RAP1GAP2: variants seen among roughly 807,000 people sequenced by gnomAD.
The protein encoded by RAP1GAP2 is RAP1 GTPase activating protein 2, also known as rap1 GTPase-activating protein 2.
A neutral mutation model predicts 95.0 loss-of-function variants in RAP1GAP2; 27 were observed. The observed-to-expected ratio is 0.28, with a 90% CI of 0.21 to 0.39. RAP1GAP2 has a LOEUF of 0.39. Ranked by LOEUF, RAP1GAP2 falls within the 10% of genes least tolerant of loss-of-function variation. The pLI, the probability that RAP1GAP2 is intolerant of heterozygous loss-of-function variation, is 1.00. For missense variants in RAP1GAP2, 771 were observed against 970.0 expected (o/e 0.79, Z 2.72); for synonymous variants, 373 against 380.9 (o/e 0.98, Z 0.24).
At chr17:2,877,136 G>T (rs191167960) in intron 2 of RAP1GAP2, among the ~76,000 whole-genome samples, 1 of 151,974 alleles carries the variant, frequency 6.6e-6, no homozygotes, top group South Asian at 2.1e-4. Context: ...TGATGCACCC[G>T]CCTCAGCCTC....
intron 3 of RAP1GAP2, among the ~76,000 whole-genome samples, chr17:2,909,077 A>G (rs1370386412): frequency 6.6e-6 from 1 of 152,130 alleles, no homozygotes; most frequent in Non-Finnish European, 1.5e-5. Flanking sequence ...GGAGGTAAAC[A>G]TCTGGGAGCC....
At position 3,034,490 on chromosome 17, in the gene RAP1GAP2, TG is replaced by T; in HGVS notation, c.*1135del. Reference sequence around the variant, plus strand: ...TCAGCAGCTTACGCCCCTGGAGTCTTGGGGGGCCCAGCCTGGCCCTGGGGCC... The same window carrying T: ...TCAGCAGCTTACGCCCCTGGAGTCTTGGGGGCCCAGCCTGGCCCTGGGGCC... On this transcript the variant is annotated 3_prime_UTR_variant, in exon 25 of 25. Coordinates refer to ENST00000254695, the MANE Select transcript of RAP1GAP2 (RefSeq NM_015085.5). This position sits in a 1 kb window ranked among gnomAD's most constrained non-coding sequence, Gnocchi z 5.1. 1 of 166,312 alleles carries T rather than the reference TG, an allele frequency of 6.0e-6. No homozygotes were observed. The highest frequency in any genetic ancestry group is 1.4e-5 in the Non-Finnish European group (1 of 74,024). The allele number at this position is 166,312 out of a possible 1,614,324, so 10.3% of individuals were successfully genotyped here.
At chr17:2,811,077 C>G (rs1018598222) in intron 2 of RAP1GAP2, among the ~76,000 whole-genome samples, 2 of 152,168 alleles carry the variant, frequency 1.3e-5, no homozygotes, top group African/African-American at 2.4e-5. Flanking sequence ...GTTCACCCCT[C>G]TTTCCACTAA....
chr17:2,993,877 A>T (rs1179568695), intron 12 of RAP1GAP2, among the ~76,000 whole-genome samples: 1 of 151,888 alleles, frequency 6.6e-6, no homozygotes, highest in East Asian at 1.9e-4. Flanking sequence ...ATTAACAAAA[A>T]TTTGAAAAAT....
chr17:2,978,353 C>T (rs745709537), intron 8 of RAP1GAP2, among the ~76,000 whole-genome samples: 2 of 152,044 alleles, frequency 1.3e-5, no homozygotes, highest in African/African-American at 2.4e-5. Flanking sequence ...TGAACACAGG[C>T]GGTGAGATAC....
chr17:3,007,034 G>A (rs1228240215), intron 16 of RAP1GAP2, among the ~76,000 whole-genome samples: 2 of 152,220 alleles, frequency 1.3e-5, no homozygotes, highest in South Asian at 2.1e-4. Flanking sequence ...TGAACCTTCT[G>A]CCAGGAGGAA....
rs1451506309 is a variant in RAP1GAP2, at chr17:3,027,505, G to A, written c.2107+435G>A. Among the ~76,000 whole-genome samples the A allele has an allele frequency of 6.6e-6, 1 of 152,128 alleles. No homozygotes were observed. Among genetic ancestry groups the A allele is most frequent in the Non-Finnish European group, 1.5e-5 (1 of 68,024 alleles). On this transcript the variant is annotated intron_variant, in intron 22 of 24. Coordinates refer to ENST00000254695, the MANE Select transcript of RAP1GAP2 (RefSeq NM_015085.5). The surrounding 1 kb of genome is among the most constrained non-coding windows in gnomAD (Gnocchi z 5.2). ...GCTGCAGGGGGAGGGAACAGCATGT[G>A]GAAAGGCCCAGAGGAGAGGAGAGAG...
chr17:2,806,408 T>TA (rs1567664643), intron 2 of RAP1GAP2, among the ~76,000 whole-genome samples: 1 of 149,490 alleles, frequency 6.7e-6, no homozygotes, highest in Admixed American at 6.7e-5. Flanking sequence ...TTATTATTAT[T>TA]TTGAGAGGGA....
intron 8 of RAP1GAP2, among the ~76,000 whole-genome samples, chr17:2,978,072 G>A (rs930177826): frequency 2.6e-5 from 4 of 152,108 alleles, no homozygotes; most frequent in Admixed American, 6.6e-5. Context: ...TTTATGCACT[G>A]TGGGCATAAC....
intron 1 of RAP1GAP2, among the ~76,000 whole-genome samples, chr17:2,760,656 T>A (rs1179055147): frequency 3.3e-5 from 5 of 151,620 alleles, no homozygotes; most frequent in African/African-American, 1.2e-4. Flanking sequence ...TCACTTTTTT[T>A]TTTACTTACG....
chr17:2,941,476 T>C (rs1054437285), intron 3 of RAP1GAP2, among the ~76,000 whole-genome samples: 4 of 151,750 alleles, frequency 2.6e-5, no homozygotes, highest in Admixed American at 6.6e-5. Flanking sequence ...GGCTGTTCTG[T>C]GGGGAACTGA....
chr17:2,860,056 CCTGCCATTGCAGG>C (rs1362288957), intron 2 of RAP1GAP2, among the ~76,000 whole-genome samples: 5 of 151,374 alleles, frequency 3.3e-5, no homozygotes, highest in African/African-American at 1.2e-4. Context: ...TTACCTGTGT[CCTGCCATTGCAGG>C]CAGCCCCATG....
At chr17:2,995,309 C>T in intron 12 of RAP1GAP2, 28 bp from the exon 13 acceptor site, 17 of 1,609,710 alleles carry the variant, frequency 1.1e-5, no homozygotes, top group Non-Finnish European at 1.4e-5. Flanking sequence ...CTCTTTTCTC[C>T]CCATCTCCTG....
chr17:2,953,202 TC>T (rs2043979362), intron 3 of RAP1GAP2, among the ~76,000 whole-genome samples: 1 of 151,624 alleles, frequency 6.6e-6, no homozygotes, highest in East Asian at 1.9e-4. Context: ...ATATACAGTA[TC>T]TTTTTTTTTT....
chr17:2,854,546 G>A (rs2072047500), intron 2 of RAP1GAP2, among the ~76,000 whole-genome samples: 3 of 152,284 alleles, frequency 2.0e-5, no homozygotes, highest in African/African-American at 4.8e-5. Flanking sequence ...GCCGGCAGGC[G>A]AGGAGCAAGT....
intron 4 of RAP1GAP2, chr17:2,962,177 C>T (rs763734427): frequency 1.2e-5 from 2 of 162,052 alleles, no homozygotes; most frequent in Non-Finnish European, 2.7e-5. Context: ...GCTGCGATTA[C>T]AGGCGTGAGC....
chr17:2,765,965 T>C (rs1228976390), intron 1 of RAP1GAP2, among the ~76,000 whole-genome samples: 2 of 151,998 alleles, frequency 1.3e-5, no homozygotes, highest in African/African-American at 4.8e-5. Flanking sequence ...TGAGAACCTG[T>C]CTCCAAACAA....
At chr17:2,778,238 T>C (rs2068553311) in intron 1 of RAP1GAP2, among the ~76,000 whole-genome samples, 1 of 144,586 alleles carries the variant, frequency 6.9e-6, no homozygotes, top group African/African-American at 2.6e-5. Context: ...AAGCTGCCTC[T>C]GGTCCCTCCT....
chr17:2,944,285 A>G (rs529616139), intron 3 of RAP1GAP2, among the ~76,000 whole-genome samples: 2 of 152,334 alleles, frequency 1.3e-5, no homozygotes, highest in South Asian at 4.1e-4. Context: ...GCTATGGGAA[A>G]CAGCACGGAG....
Sources: gnomAD v4.1 joint callset for allele counts (sites outside exome capture counted in the v4.1 genomes callset) on GRCh38, gnomAD v4.1.1 for gene constraint, Gnocchi (gnomAD v3.1) non-coding constraint, MANE v1.5 for transcripts, NCBI Gene and HGNC (gene_info 2026-07-23, HGNC 2026-07-21) for gene names.